KIAA1958: variants seen among roughly 807,000 people sequenced by gnomAD.
KIAA1958 encodes KIAA1958.
KIAA1958 carries 14 observed loss-of-function variants against 47.2 expected under a neutral mutation model. The observed-to-expected ratio is 0.30, with a 90% CI of 0.20 to 0.46. KIAA1958 has a LOEUF of 0.46. KIAA1958 is among the 20% of genes least tolerant of loss of function. The probability of loss-of-function intolerance (pLI) is 1.00; values close to 1 mark genes in which losing one functional copy is unlikely to be tolerated. For missense variants in KIAA1958, 803 were observed against 909.2 expected (o/e 0.88, Z 1.50); for synonymous variants, 354 against 353.3 (o/e 1.00, Z -0.02).
chr9:112,654,358 G>A (rs1837112335), intron 3 of KIAA1958, among the ~76,000 whole-genome samples: 1 of 152,112 alleles, frequency 6.6e-6, no homozygotes, highest in African/African-American at 2.4e-5. Context: ...CTACCTTTTG[G>A]CAAGTTGTTT....
chr9:112,503,500 T>A (rs1160503248), intron 1 of KIAA1958, among the ~76,000 whole-genome samples: 1 of 151,224 alleles, frequency 6.6e-6, no homozygotes, highest in Non-Finnish European at 1.5e-5. Flanking sequence ...ATAAAAAAAA[T>A]TAGCCAAGTG....
At chr9:112,617,727 T>C in intron 2 of KIAA1958, 1 of 667,136 alleles carries the variant, frequency 1.5e-6, no homozygotes. Flanking sequence ...GACAGGTATG[T>C]AAATAACATT....
intron 1 of KIAA1958, among the ~76,000 whole-genome samples, chr9:112,533,581 A>C (rs13439961): frequency 0.47 from 459 of 984 alleles, 164 homozygotes; most frequent in African/African-American, 0.68. Context: ...ACTCCATCCC[A>C]AAAAAAAAAA....
At chr9:112,595,287 A>T (rs1016853127) in intron 2 of KIAA1958, among the ~76,000 whole-genome samples, 1 of 152,232 alleles carries the variant, frequency 6.6e-6, no homozygotes, top group East Asian at 1.9e-4. Context: ...ATAAGGCTCA[A>T]TGCTCTCCAA....
rs541369142 is a variant in KIAA1958, at chr9:112,619,271, C to T, written c.1172-26379C>T. 2.6e-5 allele frequency: 4 copies of T among 152,812 alleles called. No homozygotes were observed. In the East Asian group the frequency reaches 7.7e-4, roughly 30 times the overall value. 9.5% of individuals were successfully genotyped at this position (152,812 alleles called of 1,614,324 possible). ...CATCCTAGACTTAACATGCTTGCGT[C>T]CTCAACTCCTGCTTTTCGTTCCCAC... On this transcript the variant is annotated intron_variant, in intron 2 of 3. Transcript: ENST00000337530.
intron 2 of KIAA1958, among the ~76,000 whole-genome samples, chr9:112,583,127 A>C (rs1356253906): frequency 1.3e-5 from 2 of 152,192 alleles, no homozygotes; most frequent in African/African-American, 4.8e-5. Context: ...ATGTGAGAGA[A>C]TTCCCTCCTT....
intron 3 of KIAA1958, among the ~76,000 whole-genome samples, chr9:112,658,832 A>G (rs1016236679): frequency 4.7e-5 from 7 of 149,298 alleles, no homozygotes; most frequent in Admixed American, 1.3e-4. Context: ...CATCCTGGCT[A>G]ACACTGTGAA....
chr9:112,537,436 G>T (rs571128939), intron 1 of KIAA1958, among the ~76,000 whole-genome samples: 1 of 152,164 alleles, frequency 6.6e-6, no homozygotes, highest in South Asian at 2.1e-4. Context: ...CTAATAAAGC[G>T]TTCATATCTA....
intron 1 of KIAA1958, among the ~76,000 whole-genome samples, chr9:112,505,628 A>G (rs561165948): frequency 1.1e-4 from 16 of 152,348 alleles, no homozygotes; most frequent in Non-Finnish European, 2.2e-4. Flanking sequence ...TAATTAGCAT[A>G]GTGGTTTCAA....
At chr9:112,653,833 G>T (rs754514377) in intron 3 of KIAA1958, among the ~76,000 whole-genome samples, 1 of 152,128 alleles carries the variant, frequency 6.6e-6, no homozygotes. Flanking sequence ...CCGGGAGGTG[G>T]ATGCTGCAGT....
In KIAA1958 at chr9:112,650,474, C is replaced by T. The variant is rs538352315; in HGVS notation, c.1344+4652C>T. ...TGTTGTAAAGTTCCAACAATATTTGCGGAGTGGTATAGTATTTGAAGGTAG... is the reference window on the plus strand; with the variant it reads ...TGTTGTAAAGTTCCAACAATATTTGTGGAGTGGTATAGTATTTGAAGGTAG... On this transcript the variant is annotated intron_variant, in intron 3 of 3. Coordinates refer to ENST00000337530, the MANE Select transcript of KIAA1958 (RefSeq NM_133465.4). Among the ~76,000 whole-genome samples the T allele has an allele frequency of 3.9e-5, 6 of 151,910 alleles. No individual in the cohort carries two copies. The South Asian group carries it at 1.0e-3, about 26-fold the overall frequency.
chr9:112,510,328 T>C (rs1834303873), intron 1 of KIAA1958, among the ~76,000 whole-genome samples: 1 of 152,212 alleles, frequency 6.6e-6, no homozygotes, highest in Non-Finnish European at 1.5e-5. Flanking sequence ...ACCCTGCATA[T>C]AGTCAACTCT....
At chr9:112,558,168 T>C (rs3860170) in intron 1 of KIAA1958, among the ~76,000 whole-genome samples, 45,500 of 151,544 alleles carry the variant, frequency 0.3, 7,109 homozygotes, top group Middle Eastern at 0.41. Flanking sequence ...GAAATTACAG[T>C]GAACCGAGAT....
At chr9:112,507,824 G>A (rs1834257127) in intron 1 of KIAA1958, among the ~76,000 whole-genome samples, 1 of 150,700 alleles carries the variant, frequency 6.6e-6, no homozygotes, top group Admixed American at 6.6e-5. Context: ...TGAGAGATGA[G>A]GTTTCACTAT....
chr9:112,495,674 T>C (rs1201180754), intron 1 of KIAA1958, among the ~76,000 whole-genome samples: 1 of 152,246 alleles, frequency 6.6e-6, no homozygotes, highest in Admixed American at 6.5e-5. Flanking sequence ...TCATTAGTTC[T>C]ACTGTAAGAT....
intron 1 of KIAA1958, among the ~76,000 whole-genome samples, chr9:112,502,282 A>G (rs1455048722): frequency 6.6e-6 from 1 of 152,240 alleles, no homozygotes; most frequent in Non-Finnish European, 1.5e-5. Context: ...ACAAGACATT[A>G]TTTATTCCTT....
At chr9:112,509,177 TAAG>T (rs1225986920) in intron 1 of KIAA1958, among the ~76,000 whole-genome samples, 3 of 151,184 alleles carry the variant, frequency 2.0e-5, no homozygotes, top group Non-Finnish European at 2.9e-5. Context: ...AGCATCGTTG[TAAG>T]AAGGCAAGCC....
chr9:112,520,617 C>A (rs1834522887), intron 1 of KIAA1958, among the ~76,000 whole-genome samples: 1 of 152,138 alleles, frequency 6.6e-6, no homozygotes, highest in Non-Finnish European at 1.5e-5. Context: ...ACTGAGAAAT[C>A]AATGAATTTT....
intron 2 of KIAA1958, among the ~76,000 whole-genome samples, chr9:112,626,504 T>C (rs1365414610): frequency 2.0e-5 from 3 of 152,152 alleles, no homozygotes; most frequent in Admixed American, 1.3e-4. Flanking sequence ...GCTTTGGCAT[T>C]GTTTGTTTGT....
Sources: allele counts gnomAD v4.1 joint callset (sites outside exome capture counted in the v4.1 genomes callset), GRCh38; gene constraint gnomAD v4.1.1; transcripts MANE v1.5; gene names NCBI Gene and HGNC (gene_info 2026-07-23, HGNC 2026-07-21).